RAD9B: variants seen among roughly 807,000 people sequenced by gnomAD.
The protein encoded by RAD9B is cell cycle checkpoint control protein RAD9B.
RAD9B carries 41 observed loss-of-function variants against 48.3 expected under a neutral mutation model. The ratio of observed to expected loss-of-function variants is 0.85; its 90% CI spans 0.66 to 1.10. RAD9B has a LOEUF of 1.10. Among genes scored for constraint, RAD9B ranks in the 50% least tolerant of loss-of-function variants. RAD9B has a pLI of 0.00. For missense variants in RAD9B, 444 were observed against 485.1 expected (o/e 0.92, Z 0.80); for synonymous variants, 160 against 157.9 (o/e 1.01, Z -0.10).
chr12:110,530,519 C>G lies in RAD9B; in HGVS notation c.1126-6C>G, dbSNP rs749669477. 3 of 1,610,962 alleles carry G rather than the reference C, an allele frequency of 1.9e-6. No homozygotes were observed. In the African/African-American group the frequency reaches 4.0e-5, roughly 22 times the overall value. ...ATCAACAATGCAGTTCCTTTTTTCC[C>G]TCCAGTTTTCTTGCATGTTCTTTGG... On this transcript the variant is annotated splice_polypyrimidine_tract_variant and splice_region_variant and intron_variant, in intron 10 of 10. Transcript: ENST00000409300.
At chr12:110,514,060 G>GCTTCCTTC (rs1555209322) in intron 5 of RAD9B, among the ~76,000 whole-genome samples, 2 of 146,824 alleles carry the variant, frequency 1.4e-5, no homozygotes, top group Non-Finnish European at 3.0e-5. Flanking sequence ...TTCCTTCCTT[G>GCTTCCTTC]CTTCCTTCCT....
intron 5 of RAD9B, among the ~76,000 whole-genome samples, chr12:110,513,092 A>C (rs1387905362): frequency 6.6e-6 from 1 of 151,574 alleles, no homozygotes; most frequent in Non-Finnish European, 1.5e-5. Context: ...CAGCCTCCCG[A>C]GTAGCTGGGA....
intron 4 of RAD9B, among the ~76,000 whole-genome samples, chr12:110,509,051 G>A (rs534482099): frequency 1.3e-5 from 2 of 152,024 alleles, no homozygotes; most frequent in Non-Finnish European, 2.9e-5. Context: ...TGCAAGCTCC[G>A]CCTCCTGGGT....
At chr12:110,526,815 A>G (rs1357460063) in intron 10 of RAD9B, among the ~76,000 whole-genome samples, 4 of 151,798 alleles carry the variant, frequency 2.6e-5, no homozygotes, top group Non-Finnish European at 4.4e-5. Context: ...AGGCTGAGGC[A>G]GGAGAATGGC....
At chr12:110,507,781 G>T (rs945697463) in intron 4 of RAD9B, among the ~76,000 whole-genome samples, 4 of 151,192 alleles carry the variant, frequency 2.6e-5, no homozygotes, top group African/African-American at 9.7e-5. Context: ...CTGCTGAGTA[G>T]CTAGGATTAC....
chr12:110,524,537 G>A (rs1050411818), intron 10 of RAD9B, among the ~76,000 whole-genome samples: 3 of 152,246 alleles, frequency 2.0e-5, no homozygotes, highest in South Asian at 4.1e-4. Context: ...ACTCTAGCCT[G>A]GGCGACAGAG....
At position 110,506,593 on chromosome 12, in the gene RAD9B, CT is replaced by C; in HGVS notation, c.291del (p.Phe97LeufsTer4). 6.4e-7 allele frequency: 1 copy of C among 1,574,306 alleles called. No individual in the cohort carries two copies. Among genetic ancestry groups the C allele is most frequent in the African/African-American group, 1.3e-5 (1 of 74,276 alleles). On this transcript the variant is annotated frameshift_variant, in exon 4 of 11. Coordinates refer to ENST00000409300, the MANE Select transcript of RAD9B (RefSeq NM_001286535.2). LOFTEE classifies it high-confidence loss of function. ...KLGMKSILPI[F>X]RCLNSLERNI... Reference sequence around the variant, plus strand: ...TTCTGTTACAGTCAATTTTGCCCATCTTTAGATGTCTGAATTCCCTTGAAAG... The same window carrying C: ...TTCTGTTACAGTCAATTTTGCCCATCTTAGATGTCTGAATTCCCTTGAAAG...
At position 110,505,636 on chromosome 12, in the gene RAD9B, A is replaced by G; in HGVS notation, c.137A>G (p.Asn46Ser). 6.4e-7 allele frequency: 1 copy of G among 1,559,094 alleles called. No homozygotes were observed. The highest frequency in any genetic ancestry group is 8.7e-7 in the Non-Finnish European group (1 of 1,150,690). ...TTCTAGCTTGCTCTAAGATGTGTGA[A>G]TTCTTCTCGGTCAGCATATGGATGT... ...SKKGLALRCVNSSRSAYGCVL... is the reference protein window; with the variant it reads ...SKKGLALRCVSSSRSAYGCVL... Residue 46 changes from asparagine to serine, a missense_variant, in exon 3 of 11, where the codon AAT becomes AGT. Asn to Ser is a conservative substitution (Grantham distance 46). Coordinates refer to ENST00000409300, the MANE Select transcript of RAD9B (RefSeq NM_001286535.2).
At position 110,505,772 on chromosome 12, in the gene RAD9B, G is replaced by C; in HGVS notation, c.273G>C (p.Lys91Asn). 3 of 1,610,998 alleles carry C rather than the reference G, an allele frequency of 1.9e-6. No individual in the cohort carries two copies. Among genetic ancestry groups the C allele is most frequent in the Non-Finnish European group, 2.5e-6 (3 of 1,178,540 alleles). ...ATTTAAAATGCAAATTGGGAATGAA[G>C]GTAAATATAAGTGGCCCTGGTTTTC... ...TLHLKCKLGM[K>N]SILPIFRCLN... is the part of the protein sequence containing the mutation. Residue 91 changes from lysine (K) to asparagine (N), a missense_variant and splice_region_variant, in exon 3 of 11, where the codon AAG (lysine) becomes AAC (asparagine). Transcript: ENST00000409300.
chr12:110,507,391 A>AC (rs1348252001), intron 4 of RAD9B, among the ~76,000 whole-genome samples: 3 of 142,768 alleles, frequency 2.1e-5, no homozygotes, highest in Non-Finnish European at 4.6e-5. Flanking sequence ...TATTATATAT[A>AC]ATATATAATA....
At position 110,518,679 on chromosome 12, in the gene RAD9B, T is replaced by A. The variant is rs376187384; in HGVS notation, c.599T>A (p.Leu200Ter). 1.2e-5 allele frequency: 19 copies of A among 1,577,076 alleles called. No homozygotes were observed. The African/African-American group carries it at 1.4e-4, about 11-fold the overall frequency. Residue 200 changes from leucine to a stop codon, truncating the protein, a stop_gained, in exon 7 of 11, where the codon TTG becomes TAG. Transcript: ENST00000409300. LOFTEE classifies it high-confidence loss of function. ...LKSSNEESMD[L>*]SNAVHSEMFV... ...ATTTTCCCATAATATTAAACAGATT[T>A]GAGCAATGCTGTACACAGTGAGATG...
intron 4 of RAD9B, among the ~76,000 whole-genome samples, chr12:110,510,309 T>TA (rs1189536367): frequency 6.6e-6 from 1 of 152,222 alleles, no homozygotes; most frequent in Non-Finnish European, 1.5e-5. Flanking sequence ...TTCCAGCTCC[T>TA]AAAATAGTCC....
chr12:110,521,402 C>T (rs573617594), intron 9 of RAD9B, among the ~76,000 whole-genome samples: 1 of 152,078 alleles, frequency 6.6e-6, no homozygotes, highest in Non-Finnish European at 1.5e-5. Context: ...AGTCTACCTG[C>T]CTCGGCCTCC....
At chr12:110,513,852 T>C (rs971395170) in intron 5 of RAD9B, among the ~76,000 whole-genome samples, 12 of 151,946 alleles carry the variant, frequency 7.9e-5, no homozygotes, top group Admixed American at 6.6e-4. Context: ...GCTTCCCGAG[T>C]AGCTGGGACT....
chr12:110,518,057 G>A (rs915928609), intron 6 of RAD9B, among the ~76,000 whole-genome samples: 33 of 152,068 alleles, frequency 2.2e-4, no homozygotes, highest in African/African-American at 7.5e-4. Flanking sequence ...CGAGTGTGGT[G>A]GTGGGCGCCT....
chr12:110,509,217 C>T (rs1473021690), intron 4 of RAD9B, among the ~76,000 whole-genome samples: 1 of 152,098 alleles, frequency 6.6e-6, no homozygotes. Context: ...ATCTGCCCTC[C>T]TTGGCCTTCC....
chr12:110,531,491 CTGGAG>C lies in RAD9B; in HGVS notation c.*841_*845del. 1.0e-6 allele frequency: 1 copy of C among 986,448 alleles called. No homozygotes were observed. The highest frequency in any genetic ancestry group is 1.6e-6 in the Non-Finnish European group (1 of 644,172). The allele number at this position is 986,448 out of a possible 1,614,324, so 61.1% of individuals were successfully genotyped here. On this transcript the variant is annotated 3_prime_UTR_variant, in exon 11 of 11. Coordinates refer to ENST00000409300, the MANE Select transcript of RAD9B (RefSeq NM_001286535.2). ...ACAGACTTGAGCCACTGCGCCCAACCTGGAGTGTTTTTACATATTGTAAAATTTTA... is the reference window on the plus strand; with the variant it reads ...ACAGACTTGAGCCACTGCGCCCAACCTGTTTTTACATATTGTAAAATTTTA...
chr12:110,522,566 G>A (rs1036845593), intron 10 of RAD9B, among the ~76,000 whole-genome samples, 155 bp downstream of exon 10: 22 of 152,166 alleles, frequency 1.4e-4, no homozygotes, highest in African/African-American at 5.3e-4. Context: ...ATTATAGAAT[G>A]AAGAAAAGTC....
intron 4 of RAD9B, among the ~76,000 whole-genome samples, chr12:110,507,384 T>A (rs1394872813): frequency 7.0e-6 from 1 of 143,004 alleles, no homozygotes; most frequent in East Asian, 2.0e-4. Context: ...ATATATGTAT[T>A]ATATATAATA....
Sources: gnomAD v4.1 joint callset for allele counts (sites outside exome capture counted in the v4.1 genomes callset) on GRCh38, gnomAD v4.1.1 for gene constraint, MANE v1.5 for transcripts, NCBI Gene and HGNC (gene_info 2026-07-23, HGNC 2026-07-21) for gene names.